Variants in ARPC4 observed in about 807,000 individuals in gnomAD.
The protein encoded by ARPC4 is actin related protein 2/3 complex subunit 4.
A neutral mutation model predicts 22.8 loss-of-function variants in ARPC4; 3 were observed. That is an observed-to-expected ratio of 0.13 (90% CI 0.06 to 0.34). The LOEUF (loss-of-function observed/expected upper bound fraction) is 0.34, where lower values mean the gene tolerates loss of function less well. Among genes scored for constraint, ARPC4 ranks in the 10% least tolerant of loss-of-function variants. The pLI, the probability that ARPC4 is intolerant of heterozygous loss-of-function variation, is 1.00. For synonymous variants in ARPC4, 80 were observed against 72.5 expected, an observed-to-expected ratio of 1.10 and a Z score of -0.52; for missense variants, 98 against 211.0, an observed-to-expected ratio of 0.46 and a Z score of 3.32.
At chr3:9,800,100 C>T (rs2078976353) in intron 2 of ARPC4, 85 bp from the exon 3 acceptor site, 2 of 1,361,660 alleles carry the variant, frequency 1.5e-6, no homozygotes, top group South Asian at 2.6e-5. Context: ...TCTATGGTCT[C>T]ATAGTGATTC....
upstream of ARPC4, chr3:9,792,768 T>A: frequency 8.0e-7 from 1 of 1,246,812 alleles, no homozygotes. Context: ...CTCGTCCGCT[T>A]CGGCTTGTCC....
intron 3 of ARPC4, among the ~76,000 whole-genome samples, 196 bp from the exon 4 acceptor site, chr3:9,801,465 G>A (rs1575330669): frequency 1.3e-5 from 2 of 152,206 alleles, no homozygotes; most frequent in South Asian, 4.1e-4. Context: ...GGAATGGGTC[G>A]TCATTAAGAG....
At chr3:9,799,600 G>T (rs2078967017) in intron 2 of ARPC4, among the ~76,000 whole-genome samples, 1 of 152,078 alleles carries the variant, frequency 6.6e-6, no homozygotes, top group Non-Finnish European at 1.5e-5. Context: ...GCGCCACCAT[G>T]CCCAGCTAAT....
intron 1 of ARPC4, among the ~76,000 whole-genome samples, chr3:9,793,862 C>T (rs1356865993): frequency 6.6e-6 from 1 of 152,176 alleles, no homozygotes; most frequent in Non-Finnish European, 1.5e-5. Context: ...ATCTAGTCTC[C>T]TGGCTTCGAT....
chr3:9,803,578 A>G, intron 4 of ARPC4: 1 of 613,144 alleles, frequency 1.6e-6, no homozygotes, highest in Non-Finnish European at 3.1e-6. Flanking sequence ...CTCATTCTGA[A>G]TGCAGAGCTG....
In ARPC4 at chr3:9,803,845, G is replaced by C. The variant is rs767818616; in HGVS notation, c.333G>C (p.Gly111=). Residue 111 remains glycine (G), a splice_region_variant and synonymous_variant, in exon 5 of 6, where the codon GGG becomes GGC. Coordinates refer to ENST00000397261, the MANE Select transcript of ARPC4 (RefSeq NM_005718.5). ...FFILRRKPVE[G]YDISFLITNF... The stretch of plus-strand genomic sequence containing the variant: ...CTCCCTACTGTCTTCTTCCCTAGGG[G>C]TATGATATCAGCTTTCTGATCACCA... 2 of 1,613,764 alleles carry C rather than the reference G, an allele frequency of 1.2e-6. No individual in the cohort carries two copies. Among genetic ancestry groups the C allele is most frequent in the Non-Finnish European group, 1.7e-6 (2 of 1,179,800 alleles).
upstream of ARPC4, chr3:9,792,637 C>A: frequency 8.1e-7 from 1 of 1,230,296 alleles, no homozygotes; most frequent in Middle Eastern, 3.1e-4. Flanking sequence ...CAGCCCGGGG[C>A]GGGAGGCGGA....
chr3:9,803,728 T>A, intron 4 of ARPC4, 115 bp from the exon 5 acceptor site: 1 of 1,186,246 alleles, frequency 8.4e-7, no homozygotes, highest in Admixed American at 1.8e-5. Flanking sequence ...TGGGAGAAGA[T>A]CACAGCCAGT....
intron 2 of ARPC4, among the ~76,000 whole-genome samples, chr3:9,799,245 TTC>T (rs937083607): frequency 2.6e-5 from 4 of 152,216 alleles, no homozygotes; most frequent in African/African-American, 9.7e-5. Flanking sequence ...AAGACAGGTG[TTC>T]TCTCTGTATT....
chr3:9,803,512 A>T (rs962354126), intron 4 of ARPC4: 4 of 484,070 alleles, frequency 8.3e-6, no homozygotes, highest in Non-Finnish European at 1.2e-5. Context: ...TCTCTGGACT[A>T]AATGTTCCCT....
intron 1 of ARPC4, 27 bp from the exon 2 acceptor site, chr3:9,797,632 C>T: frequency 6.2e-7 from 1 of 1,604,740 alleles, no homozygotes; most frequent in East Asian, 2.2e-5. Flanking sequence ...TTTTGATCTT[C>T]CCTTTCCTCT....
At chr3:9,794,966 T>A (rs1226891619) in intron 1 of ARPC4, among the ~76,000 whole-genome samples, 2 of 152,190 alleles carry the variant, frequency 1.3e-5, no homozygotes, top group Non-Finnish European at 2.9e-5. Context: ...CAAGTAGTAG[T>A]TAATTGAATG....
At position 9,800,517 on chromosome 3, in the gene ARPC4, C is replaced by T. The variant is rs112863541; in HGVS notation, c.234+221C>T. On this transcript the variant is annotated intron_variant, in intron 3 of 5. Transcript: ENST00000397261. Reference sequence around the variant, plus strand: ...TCAGCTCACTGCAACCTCTGCCTCCCGGGTTCAAGCAGTTCTTCTGTCTCA... The same window carrying T: ...TCAGCTCACTGCAACCTCTGCCTCCTGGGTTCAAGCAGTTCTTCTGTCTCA... Among the ~76,000 whole-genome samples the T allele has an allele frequency of 4.4e-3, 665 of 152,194 alleles. 4 individuals are homozygous for T. The highest frequency in any genetic ancestry group is 0.015 in the African/African-American group (626 of 41,530).
Position 9,806,221 on chromosome 3 carries a change from C to A in ARPC4, c.*6C>A, listed in dbSNP as rs1199988842. 1.9e-6 allele frequency: 3 copies of A among 1,613,896 alleles called. No individual in the cohort carries two copies. The highest frequency in any genetic ancestry group is 2.5e-6 in the Non-Finnish European group (3 of 1,179,746). ...GGTTCTCTTGACAGTTTTAAACCAT[C>A]TGGCTGGATCTCGTGGCCTTCCCCC... On this transcript the variant is annotated 3_prime_UTR_variant, in exon 6 of 6. Transcript: ENST00000397261.
Position 9,793,246 on chromosome 3 carries a change from A to ATGT in ARPC4, c.3+122_3+123insTGT. Reference sequence around the variant, plus strand: ...CGAGGGATGTCCGGGGGTTGTGGGGACACGATGAGGGTGGGAAAAAGAGAC... The same window carrying ATGT: ...CGAGGGATGTCCGGGGGTTGTGGGGATGTCACGATGAGGGTGGGAAAAAGAGAC... On this transcript the variant is annotated intron_variant, in intron 1 of 5. Transcript: ENST00000397261. 3 of 1,442,334 alleles carry ATGT rather than the reference A, an allele frequency of 2.1e-6. No individual in the cohort carries two copies. In the African/African-American group the frequency reaches 4.3e-5, roughly 21 times the overall value. The allele number at this position is 1,442,334 out of a possible 1,614,324, so 89.3% of individuals were successfully genotyped here.
Position 9,793,087 on chromosome 3 carries a change from C to T in ARPC4, c.-35C>T, listed in dbSNP as rs1434095521. On this transcript the variant is annotated 5_prime_UTR_variant, in exon 1 of 6. Coordinates refer to ENST00000397261, the MANE Select transcript of ARPC4 (RefSeq NM_005718.5). ...CAGGCATCGCGGGGCTGGCCACTTC[C>T]GTACTTCCGCTTTCCGGCCCAGCCA... 6.5e-6 allele frequency: 10 copies of T among 1,545,986 alleles called. No individual in the cohort carries two copies. The highest frequency in any genetic ancestry group is 8.7e-6 in the Non-Finnish European group (10 of 1,145,708).
At chr3:9,805,052 A>G (rs902936884) in intron 5 of ARPC4, among the ~76,000 whole-genome samples, 10 of 152,246 alleles carry the variant, frequency 6.6e-5, no homozygotes, top group African/African-American at 2.2e-4. Flanking sequence ...CACCTGGTAC[A>G]TAGTAAGCTT....
upstream of ARPC4, chr3:9,792,687 C>T (rs1014625759): frequency 8.1e-6 from 10 of 1,233,246 alleles, no homozygotes; most frequent in Non-Finnish European, 8.1e-6. Flanking sequence ...TTAGCCCCGC[C>T]GAGCGCCAGG....
rs2079062405 is a variant in ARPC4, at chr3:9,803,977, C to G, written c.465C>G (p.Ala155=). ...EISEMKLSVN[A]RARIVAEEFL... is the part of the protein sequence containing the mutation. ...GTGAGATGAAGCTGTCAGTCAATGC[C>G]CGTGCCCGCATTGTGGCTGAAGAGT... The change falls in exon 5 of 6, where the codon GCC becomes GCG. Residue 155 remains alanine, a synonymous_variant. Coordinates refer to ENST00000397261, the MANE Select transcript of ARPC4 (RefSeq NM_005718.5). 1 of 1,614,158 alleles carries G rather than the reference C, an allele frequency of 6.2e-7. No individual in the cohort carries two copies. Among genetic ancestry groups the G allele is most frequent in the Non-Finnish European group, 8.5e-7 (1 of 1,180,028 alleles).
Sources: gnomAD v4.1 joint callset for allele counts (sites outside exome capture counted in the v4.1 genomes callset) on GRCh38, gnomAD v4.1.1 for gene constraint, MANE v1.5 for transcripts, NCBI Gene and HGNC (gene_info 2026-07-23, HGNC 2026-07-21) for gene names.